Variants in ZNF586 observed in about 807,000 individuals in gnomAD.
ZNF586 encodes the protein zinc finger protein 586.
A neutral mutation model predicts 6.7 loss-of-function variants in ZNF586; 7 were observed. That is an observed-to-expected ratio of 1.04 (90% confidence interval 0.59 to 1.95). The LOEUF (loss-of-function observed/expected upper bound fraction) is 1.95. Among genes scored for constraint, ZNF586 ranks in the 30% most tolerant of loss-of-function variants. ZNF586 has a pLI of 0.00. For synonymous variants in ZNF586, 166 were observed against 168.7 expected, an observed-to-expected ratio of 0.98 and a Z score of 0.12; for missense variants, 442 against 489.6, an observed-to-expected ratio of 0.90 and a Z score of 0.92.
rs759577303 is a variant in ZNF586 at position 57,778,946 on chromosome 19, G to T, written c.359G>T (p.Arg120Met). ...HKHRNVRTGE[R>M]PYECSKYGKL... ...CACAGGAATGTTCGCACTGGAGAAA[G>T]GCCTTATGAGTGCAGCAAATATGGG... The change falls in exon 3 of 3, where the codon AGG (arginine) becomes ATG (methionine). Residue 120 changes from arginine to methionine, a missense_variant. Physicochemically the swap from Arg to Met is moderately conservative, Grantham distance 91. Coordinates refer to ENST00000396154, the MANE Select transcript of ZNF586 (RefSeq NM_017652.4). 24 of 1,614,050 alleles carry T rather than the reference G, an allele frequency of 1.5e-5. No individual in the cohort carries two copies.
In ZNF586 at chr19:57,779,134, T is replaced by A. The variant is rs1243743984; in HGVS notation, c.547T>A (p.Cys183Ser). Residue 183 changes from cysteine to serine, a missense_variant, in exon 3 of 3, where the codon TGT (cysteine) becomes AGT (serine). Coordinates refer to ENST00000396154, the MANE Select transcript of ZNF586 (RefSeq NM_017652.4). ...TRERPYECIE[C>S]GKAFAEKSSL... ...AGAAAGGCCTTATGAGTGTATTGAA[T>A]GTGGGAAAGCCTTTGCTGAAAAGTC... The A allele has an allele frequency of 1.9e-6, 3 of 1,613,908 alleles. No individual in the cohort carries two copies. The highest frequency in any genetic ancestry group is 1.7e-6 in the Non-Finnish European group (2 of 1,179,978).
At chr19:57,773,194 T>A (rs1346353352) in intron 1 of ZNF586, among the ~76,000 whole-genome samples, 1 of 152,144 alleles carries the variant, frequency 6.6e-6, no homozygotes, top group Non-Finnish European at 1.5e-5. Context: ...AGGTATCTAA[T>A]ATATGGTAAC....
chr19:57,779,987 G>A lies in ZNF586; in HGVS notation c.*191G>A, dbSNP rs1600082234. On this transcript the variant is annotated 3_prime_UTR_variant, in exon 3 of 3. Coordinates refer to ENST00000396154, the MANE Select transcript of ZNF586 (RefSeq NM_017652.4). ...TGCAATGAATGTGAGAAAGCCTTCA[G>A]CCCTCTCTCATTGGTTACCACAATA... is the stretch of plus-strand genomic sequence containing the variant. 2 of 568,144 alleles carry A rather than the reference G, an allele frequency of 3.5e-6. No homozygotes were observed. The highest frequency in any genetic ancestry group is 2.9e-5 in the East Asian group (1 of 34,846). 35.2% of individuals were successfully genotyped at this position (568,144 alleles called of 1,614,324 possible).
In ZNF586 at chr19:57,779,833, C is replaced by T. The variant is rs767396943; in HGVS notation, c.*37C>T. The T allele has an allele frequency of 1.1e-5, 17 of 1,528,862 alleles. No homozygotes were observed. The South Asian group carries it at 2.2e-4, about 20-fold the overall frequency. 94.7% of individuals were successfully genotyped at this position (1,528,862 alleles called of 1,614,324 possible). A position where few individuals can be genotyped will look rare whatever the true frequency, so the allele number is the denominator to read the frequency against. On this transcript the variant is annotated 3_prime_UTR_variant, in exon 3 of 3. Transcript: ENST00000396154. Reference sequence around the variant, plus strand: ...GAAATTCTCTTGCCCAGGCTTTTTGCTCCTTCAAGGCCAGAGAGTTCACAC... The same window carrying T: ...GAAATTCTCTTGCCCAGGCTTTTTGTTCCTTCAAGGCCAGAGAGTTCACAC...
rs997237753 is a variant in ZNF586, at chr19:57,776,668, G to C, written c.162G>C (p.Leu54=). 6.3e-6 allele frequency: 10 copies of C among 1,598,804 alleles called. No individual in the cohort carries two copies. The highest frequency in any genetic ancestry group is 8.5e-6 in the Non-Finnish European group (10 of 1,173,138). Residue 54 remains leucine (L), a splice_region_variant and synonymous_variant, in exon 2 of 3, where the codon CTG becomes CTC. Transcript: ENST00000396154. ...MLETLTLISS[L]GCWHGGEDEA... ...AGACCTTGACACTTATATCCTCCCTGGGTAAGGTACTCATATTCACCTGTG... is the reference window on the plus strand; with the variant it reads ...AGACCTTGACACTTATATCCTCCCTCGGTAAGGTACTCATATTCACCTGTG...
At chr19:57,775,791 G>A (rs577794671) in intron 1 of ZNF586, among the ~76,000 whole-genome samples, 8 of 152,048 alleles carry the variant, frequency 5.3e-5, no homozygotes, top group Non-Finnish European at 7.4e-5. Context: ...TAGTAGAGAC[G>A]GGGTTTCACC....
At chr19:57,774,529 T>TATAAATAA (rs71986625) in intron 1 of ZNF586, among the ~76,000 whole-genome samples, 70 of 146,708 alleles carry the variant, frequency 4.8e-4, no homozygotes, top group East Asian at 1.0e-3. Flanking sequence ...ATCTCAAAAA[T>TATAAATAA]ATAAATAAAT....
chr19:57,774,152 G>A (rs1987164677), intron 1 of ZNF586, among the ~76,000 whole-genome samples: 2 of 147,754 alleles, frequency 1.4e-5, no homozygotes, highest in African/African-American at 2.6e-5. Flanking sequence ...GGAGGCAGAG[G>A]TTGCAGTGAA....
chr19:57,779,313 CT>C lies in ZNF586; in HGVS notation c.729del (p.Phe243LeufsTer11), dbSNP rs1987321061. 2 of 1,613,782 alleles carry C rather than the reference CT, an allele frequency of 1.2e-6. No homozygotes were observed. Among genetic ancestry groups the C allele is most frequent in the Admixed American group, 3.3e-5 (2 of 59,974 alleles). On this transcript the variant is annotated frameshift_variant, in exon 3 of 3. Transcript: ENST00000396154. LOFTEE classifies it low-confidence loss of function (END_TRUNC). ...PYECSECGRS[F>X]AENSSLIKHL... ...ATGAGTGCAGTGAATGTGGGAGATC[CT>C]TTGCTGAAAACTCCAGTCTTATTAA... is the stretch of plus-strand genomic sequence containing the variant.
rs34718874 is a variant in ZNF586, at chr19:57,777,746, C to CTTT, written c.164-981_164-979dup. ...TTGTATTACGAAGTATATACCCATT[C>CTTT]TTTTTTTTTTTTTTTTTTTTTTTTT... On this transcript the variant is annotated intron_variant, in intron 2 of 2. Coordinates refer to ENST00000396154, the MANE Select transcript of ZNF586 (RefSeq NM_017652.4). Among the ~76,000 whole-genome samples, 206 of 54,482 alleles carry CTTT rather than the reference C, an allele frequency of 3.8e-3. 38 individuals are homozygous for CTTT. Among genetic ancestry groups the CTTT allele is most frequent in the African/African-American group, 0.015 (194 of 12,618 alleles). The allele number at this position is 54,482 out of a possible 152,430, so 35.7% of individuals were successfully genotyped here. A position where few individuals can be genotyped will look rare whatever the true frequency, so the allele number is the denominator to read the frequency against.
At chr19:57,772,438 A>C (rs1334681841) in intron 1 of ZNF586, among the ~76,000 whole-genome samples, 1 of 151,814 alleles carries the variant, frequency 6.6e-6, no homozygotes, top group Non-Finnish European at 1.5e-5. Context: ...CACAGGGTGA[A>C]GTCTCAGTCC....
At chr19:57,775,970 C>T (rs759075840) in intron 1 of ZNF586, among the ~76,000 whole-genome samples, 12 of 152,342 alleles carry the variant, frequency 7.9e-5, no homozygotes, top group East Asian at 1.9e-4. Flanking sequence ...TTCTCTCAAG[C>T]GCTGAGCATA....
Position 57,779,123 on chromosome 19 carries a change from A to C in ZNF586, c.536A>C (p.Glu179Ala). ...QTLHTRERPY[E>A]CIECGKAFAE... ...CTTCACACTAGAGAAAGGCCTTATG[A>C]GTGTATTGAATGTGGGAAAGCCTTT... is the stretch of plus-strand genomic sequence containing the variant. The change falls in exon 3 of 3, where the codon GAG (glutamate) becomes GCG (alanine). Residue 179 changes from glutamate to alanine, a missense_variant. Glu to Ala is a moderately radical substitution (Grantham distance 107). Coordinates refer to ENST00000396154, the MANE Select transcript of ZNF586 (RefSeq NM_017652.4). 1 of 1,614,070 alleles carries C rather than the reference A, an allele frequency of 6.2e-7. No homozygotes were observed. Among genetic ancestry groups the C allele is most frequent in the Non-Finnish European group, 8.5e-7 (1 of 1,180,010 alleles).
At chr19:57,776,727 C>G in intron 2 of ZNF586, 58 bp downstream of exon 2, 2 of 1,513,804 alleles carry the variant, frequency 1.3e-6, no homozygotes, top group Non-Finnish European at 1.8e-6. Flanking sequence ...ACCTTTATGC[C>G]TTATCTCTTT....
At chr19:57,770,084 A>T (rs1241859202) in intron 1 of ZNF586, among the ~76,000 whole-genome samples, 2 of 151,866 alleles carry the variant, frequency 1.3e-5, no homozygotes, top group African/African-American at 4.8e-5. Context: ...TGCAGGCGCG[A>T]CTGAGGCAGG....
At chr19:57,773,955 C>A (rs987916506) in intron 1 of ZNF586, among the ~76,000 whole-genome samples, 1 of 152,148 alleles carries the variant, frequency 6.6e-6, no homozygotes, top group African/African-American at 2.4e-5. Context: ...GTGGCTCACA[C>A]CTGTGATCCC....
intron 1 of ZNF586, among the ~76,000 whole-genome samples, chr19:57,775,113 C>G (rs1987199727): frequency 6.6e-6 from 1 of 152,136 alleles, no homozygotes; most frequent in South Asian, 2.1e-4. Context: ...TCTCCCGCCT[C>G]AGCCTCCTGA....
At chr19:57,777,746 C>CTTTTTTTT (rs34718874) in intron 2 of ZNF586, among the ~76,000 whole-genome samples, 2 of 54,486 alleles carry the variant, frequency 3.7e-5, no homozygotes, top group African/African-American at 7.9e-5. Context: ...TATACCCATT[C>CTTTTTTTT]TTTTTTTTTT....
At chr19:57,771,664 T>C (rs1355929751) in intron 1 of ZNF586, among the ~76,000 whole-genome samples, 2 of 152,120 alleles carry the variant, frequency 1.3e-5, no homozygotes, top group Admixed American at 6.6e-5. Context: ...AATTTCTTAA[T>C]AGGCGCTGTC....
Sources: allele counts gnomAD v4.1 joint callset (sites outside exome capture counted in the v4.1 genomes callset), GRCh38; gene constraint gnomAD v4.1.1; transcripts MANE v1.5; gene names NCBI Gene and HGNC (gene_info 2026-07-23, HGNC 2026-07-21).